The following THAP12 variants were observed in gnomAD, a reference collection of about 807,000 sequenced individuals.
THAP12 encodes the protein 52 kDa repressor of the inhibitor of the protein kinase.
Under a neutral mutation model 63.0 loss-of-function variants are expected in THAP12, and 20 were observed. The observed-to-expected ratio is 0.32, with a 90% CI of 0.22 to 0.46. THAP12 has a LOEUF of 0.46. Among genes scored for constraint, THAP12 ranks in the 20% least tolerant of loss-of-function variants. THAP12 has a pLI of 1.00. For synonymous variants in THAP12, 264 were observed against 328.4 expected (o/e 0.80, Z 2.12); for missense variants, 568 against 908.2 (o/e 0.63, Z 4.81).
chr11:76,355,260 A>G (rs1195179907), intron 4 of THAP12, among the ~76,000 whole-genome samples: 1 of 152,244 alleles, frequency 6.6e-6, no homozygotes, highest in African/African-American at 2.4e-5. Context: ...CAAAGAATTT[A>G]TTACATACCA....
chr11:76,380,612 C>G (rs1472785588), intron 1 of THAP12, 136 bp downstream of exon 1: 3 of 614,478 alleles, frequency 4.9e-6, no homozygotes, highest in Non-Finnish European at 6.9e-6. Context: ...CGGTCCAACG[C>G]TGGGGTCGAC....
chr11:76,366,669 A>C (rs1462757867), intron 1 of THAP12, among the ~76,000 whole-genome samples: 2 of 151,830 alleles, frequency 1.3e-5, no homozygotes, highest in Admixed American at 6.6e-5. Context: ...TGACAGAGCC[A>C]GACTCCGTCT....
In THAP12 at chr11:76,350,703, A is replaced by G. The variant is rs182135907; in HGVS notation, c.*161T>C. The G allele has an allele frequency of 1.5e-3, 888 of 574,010 alleles. 3 individuals carry two copies. The African/African-American group carries it at 0.016, about 10-fold the overall frequency. 35.6% of individuals were successfully genotyped at this position (574,010 alleles called of 1,614,324 possible). ...AGAACAGGTAGGTCTTCAAAGCTTG[A>G]GAGTTCAAACAGGGGCCATTTAAAC... is the stretch of plus-strand genomic sequence containing the variant. On this transcript the variant is annotated 3_prime_UTR_variant, in exon 5 of 5. Coordinates refer to ENST00000260045, the MANE Select transcript of THAP12 (RefSeq NM_004705.4).
rs1357975654 is a variant in THAP12, at chr11:76,352,603, G to T, written c.547C>A (p.Leu183Met). 5 of 1,611,964 alleles carry T rather than the reference G, an allele frequency of 3.1e-6. No individual in the cohort carries two copies. The highest frequency in any genetic ancestry group is 3.4e-6 in the Non-Finnish European group (4 of 1,179,838). Residue 183 changes from leucine (L) to methionine (M), a missense_variant, in exon 5 of 5, where the codon CTG becomes ATG. Physicochemically the swap from Leu to Met is conservative, Grantham distance 15. Transcript: ENST00000260045. ...ATTTCATCAGCCTCATGTCCATCCA[G>T]AGGTATGTTTTGCTTTCCCATCAGA... The part of the protein sequence containing the change: ...LILMGKQNIP[L>M]DGHEADEIPE...
chr11:76,362,913 C>T (rs574408504), intron 2 of THAP12, among the ~76,000 whole-genome samples: 2 of 152,250 alleles, frequency 1.3e-5, no homozygotes, highest in Admixed American at 6.5e-5. Context: ...AGGCCTTGGC[C>T]GGGTAGACGG....
intron 3 of THAP12, 59 bp from the exon 4 acceptor site, chr11:76,355,713 T>C: frequency 1.4e-6 from 2 of 1,397,302 alleles, no homozygotes; most frequent in Non-Finnish European, 1.9e-6. Context: ...TGACCTCTAG[T>C]GTATCATCTT....
chr11:76,355,713 T>G (rs1946556982), intron 3 of THAP12, 59 bp from the exon 4 acceptor site: 2 of 1,397,302 alleles, frequency 1.4e-6, no homozygotes, highest in Non-Finnish European at 1.9e-6. Flanking sequence ...TGACCTCTAG[T>G]GTATCATCTT....
chr11:76,353,709 CT>C (rs1327509832), intron 4 of THAP12, among the ~76,000 whole-genome samples: 1 of 152,198 alleles, frequency 6.6e-6, no homozygotes, highest in African/African-American at 2.4e-5. Context: ...AAACCTAGTT[CT>C]TAGAACATAA....
At chr11:76,360,840 G>C (rs959046243) in intron 3 of THAP12, 116 bp downstream of exon 3, 1 of 704,154 alleles carries the variant, frequency 1.4e-6, no homozygotes, top group African/African-American at 1.8e-5. Flanking sequence ...TTTATTTCCC[G>C]TTACATTACC....
intron 1 of THAP12, 21 bp from the exon 2 acceptor site, chr11:76,365,993 C>G (rs376858842): frequency 6.2e-7 from 1 of 1,606,800 alleles, no homozygotes; most frequent in Admixed American, 1.7e-5. Flanking sequence ...AACCAAAATA[C>G]AATTATGAAA....
chr11:76,351,447 A>C lies in THAP12; in HGVS notation c.1703T>G (p.Leu568Arg), dbSNP rs1465974288. ...TTCTTTATAGTAACTCTCAGAGGTT[A>C]GCTGAGATTCCAAGTTACCCTGGTG... is the stretch of plus-strand genomic sequence containing the variant. Reference protein sequence around the residue: ...RAHQGNLESQLTSESYYKETL... With the variant: ...RAHQGNLESQRTSESYYKETL... The change falls in exon 5 of 5, where the codon CTA becomes CGA. Residue 568 changes from leucine (L) to arginine (R), a missense_variant. Physicochemically the swap from Leu to Arg is moderately radical, Grantham distance 102. Coordinates refer to ENST00000260045, the MANE Select transcript of THAP12 (RefSeq NM_004705.4). 1 of 1,601,746 alleles carries C rather than the reference A, an allele frequency of 6.2e-7. No individual in the cohort carries two copies. The highest frequency in any genetic ancestry group is 2.2e-5 in the East Asian group (1 of 44,614).
In THAP12 at chr11:76,351,841, A is replaced by C. The variant is rs1946529205; in HGVS notation, c.1309T>G (p.Leu437Val). Residue 437 changes from leucine to valine, a missense_variant, in exon 5 of 5, where the codon TTA becomes GTA. Physicochemically the swap from Leu to Val is conservative, Grantham distance 32. Coordinates refer to ENST00000260045, the MANE Select transcript of THAP12 (RefSeq NM_004705.4). Reference sequence around the variant, plus strand: ...ACAAGTGCTTGCAGGAGTTCCACTAAAATTTCAAAAGCATCATGCCTGCCT... The same window carrying C: ...ACAAGTGCTTGCAGGAGTTCCACTACAATTTCAAAAGCATCATGCCTGCCT... ...WTGRHDAFEI[L>V]VELLQALVLC... 1.9e-6 allele frequency: 3 copies of C among 1,600,406 alleles called. No homozygotes were observed. The highest frequency in any genetic ancestry group is 2.2e-5 in the South Asian group (2 of 88,966).
At chr11:76,371,601 A>G (rs188570862) in intron 1 of THAP12, among the ~76,000 whole-genome samples, 3 of 152,146 alleles carry the variant, frequency 2.0e-5, no homozygotes, top group Admixed American at 2.0e-4. Flanking sequence ...AACTCTCTTA[A>G]TCCTGATCCT....
At chr11:76,366,712 T>A (rs546968537) in intron 1 of THAP12, among the ~76,000 whole-genome samples, 150 of 151,906 alleles carry the variant, frequency 9.9e-4, no homozygotes, top group Non-Finnish European at 1.0e-3. Flanking sequence ...CAACTAGATG[T>A]TCTTTAAATA....
intron 1 of THAP12, among the ~76,000 whole-genome samples, chr11:76,369,810 C>A (rs775219252): frequency 2.0e-5 from 3 of 152,254 alleles, no homozygotes; most frequent in Admixed American, 6.5e-5. Flanking sequence ...GAAAAACGGG[C>A]TCTGGGTGAC....
chr11:76,361,932 C>T (rs1264294527), intron 2 of THAP12, among the ~76,000 whole-genome samples: 5 of 152,206 alleles, frequency 3.3e-5, no homozygotes, highest in Non-Finnish European at 7.4e-5. Flanking sequence ...TACATAATCA[C>T]ATTTTTGCAA....
chr11:76,354,173 G>A (rs1295885906), intron 4 of THAP12, among the ~76,000 whole-genome samples: 1 of 152,224 alleles, frequency 6.6e-6, no homozygotes, highest in African/African-American at 2.4e-5. Context: ...GGCTGCCCAA[G>A]TACAAAGGGA....
In THAP12 at chr11:76,356,674, A is replaced by G. The variant is rs189167258; in HGVS notation, c.319-1020T>C. On this transcript the variant is annotated intron_variant, in intron 3 of 4. Transcript: ENST00000260045. ...CATAACGTAGCATAACTATTTACAT[A>G]GCATTTACATTGTAGTAGGTGTTAC... 5.9e-5 allele frequency: 9 copies of G among 152,344 alleles called. No homozygotes were observed. In the East Asian group the frequency reaches 1.3e-3, roughly 23 times the overall value. 9.4% of individuals were successfully genotyped at this position (152,344 alleles called of 1,614,324 possible).
chr11:76,366,014 C>T, intron 1 of THAP12, 42 bp from the exon 2 acceptor site: 1 of 1,596,560 alleles, frequency 6.3e-7, no homozygotes, highest in Non-Finnish European at 8.5e-7. Flanking sequence ...ATGAGCTCAG[C>T]ATTTAAATTT....
Sources: allele counts gnomAD v4.1 joint callset (sites outside exome capture counted in the v4.1 genomes callset), GRCh38; gene constraint gnomAD v4.1.1; transcripts MANE v1.5; gene names NCBI Gene and HGNC (gene_info 2026-07-23, HGNC 2026-07-21).